Variants in LTBP2 observed in about 807,000 individuals in gnomAD.
LTBP2 encodes the protein latent-transforming growth factor beta-binding protein 2.
LTBP2 carries 103 observed loss-of-function variants against 210.6 expected under a neutral mutation model. That is an observed-to-expected ratio of 0.49 (90% confidence interval 0.42 to 0.58). LTBP2 has a LOEUF of 0.58. Ranked by LOEUF, LTBP2 falls within the 20% of genes least tolerant of loss-of-function variation. LTBP2 has a pLI of 0.00. For missense variants in LTBP2, 2,313 were observed against 2,494.5 expected (o/e 0.93, Z 1.55); for synonymous variants, 1,007 against 1,015.0 (o/e 0.99, Z 0.15).
chr14:74,516,767 G>A (rs1239438728), intron 18 of LTBP2, 55 bp downstream of exon 18: 2 of 1,543,478 alleles, frequency 1.3e-6, no homozygotes, highest in Non-Finnish European at 1.7e-6. Flanking sequence ...AGTGCGTAGG[G>A]AGGGACAGGT....
chr14:74,546,722 T>C (rs2087581620), intron 8 of LTBP2, among the ~76,000 whole-genome samples: 1 of 152,150 alleles, frequency 6.6e-6, no homozygotes, highest in South Asian at 2.1e-4. Context: ...AGAGCTCTGC[T>C]CCCGTGCCCA....
intron 1 of LTBP2, among the ~76,000 whole-genome samples, chr14:74,608,921 G>A (rs937415999): frequency 3.3e-5 from 5 of 152,144 alleles, no homozygotes; most frequent in Non-Finnish European, 7.4e-5. Flanking sequence ...AAAGTTCCAT[G>A]AGGACAGAGT....
chr14:74,586,218 C>A lies in LTBP2; in HGVS notation c.566-100G>T, dbSNP rs910245690. The A allele has an allele frequency of 5.2e-6, 7 of 1,351,990 alleles. No individual in the cohort carries two copies. In the Admixed American group the frequency reaches 1.3e-4, roughly 25 times the overall value. 83.7% of individuals were successfully genotyped at this position (1,351,990 alleles called of 1,614,324 possible). A position where few individuals can be genotyped will look rare whatever the true frequency, so the allele number is the denominator to read the frequency against. ...AGAAGGGCCCTCCTGAGTGCTGCAA[C>A]CCTGTCGCTCAAGCAGGAAGCCACT... On this transcript the variant is annotated intron_variant, in intron 2 of 35. Transcript: ENST00000261978. This position sits in a 1 kb window ranked among gnomAD's most constrained non-coding sequence, Gnocchi z 4.6.
At chr14:74,531,662 G>A (rs862027) in intron 10 of LTBP2, among the ~76,000 whole-genome samples, 4 of 152,192 alleles carry the variant, frequency 2.6e-5, no homozygotes, top group South Asian at 2.1e-4. Flanking sequence ...GGGCTTGGCC[G>A]GTTGCAGGGA....
intron 10 of LTBP2, among the ~76,000 whole-genome samples, chr14:74,531,772 A>G (rs111632574): frequency 2.3e-4 from 35 of 152,336 alleles, no homozygotes; most frequent in African/African-American, 8.4e-4. Context: ...CTCCCGGCCC[A>G]GGGAAAGCCC....
chr14:74,574,534 T>A (rs150560898), intron 3 of LTBP2, among the ~76,000 whole-genome samples: 1 of 152,302 alleles, frequency 6.6e-6, no homozygotes, highest in Non-Finnish European at 1.5e-5. Context: ...AGGGTAGGAA[T>A]CTAGCACAAT....
intron 2 of LTBP2, among the ~76,000 whole-genome samples, chr14:74,593,271 C>A (rs2088307161): frequency 1.3e-5 from 2 of 152,278 alleles, no homozygotes; most frequent in Non-Finnish European, 1.5e-5. Context: ...CCCGACCACC[C>A]CATGCAGGCT....
At chr14:74,572,748 C>T (rs550764417) in intron 3 of LTBP2, among the ~76,000 whole-genome samples, 28 of 152,272 alleles carry the variant, frequency 1.8e-4, no homozygotes, top group African/African-American at 6.7e-4. Context: ...CCCCGCCACA[C>T]ACACACGCAT....
chr14:74,544,578 C>T (rs2087554697), intron 8 of LTBP2, among the ~76,000 whole-genome samples: 1 of 152,140 alleles, frequency 6.6e-6, no homozygotes. Context: ...GCCCCCAGCA[C>T]CCTCCCATAC....
chr14:74,594,038 G>A (rs1172277111), intron 2 of LTBP2, among the ~76,000 whole-genome samples: 2 of 152,144 alleles, frequency 1.3e-5, no homozygotes, highest in Non-Finnish European at 2.9e-5. Context: ...CCCATTTTAT[G>A]GACGAGGCCC....
chr14:74,508,154 T>C, intron 24 of LTBP2, 59 bp from the exon 25 acceptor site: 1 of 1,601,610 alleles, frequency 6.2e-7, no homozygotes, highest in South Asian at 1.1e-5. Flanking sequence ...GTTAGGGTCC[T>C]GTGTAGCTTC....
At chr14:74,556,424 A>C (rs890170273) in intron 3 of LTBP2, among the ~76,000 whole-genome samples, 1 of 152,234 alleles carries the variant, frequency 6.6e-6, no homozygotes, top group Non-Finnish European at 1.5e-5. Flanking sequence ...CATATTTGTC[A>C]TGTTCATCGC....
At chr14:74,550,363 G>A (rs1396422663) in intron 7 of LTBP2, among the ~76,000 whole-genome samples, 6 of 152,226 alleles carry the variant, frequency 3.9e-5, no homozygotes, top group Non-Finnish European at 7.3e-5. Context: ...ACACCCCAAG[G>A]TGAGAGGCCA....
At chr14:74,522,191 T>G in intron 16 of LTBP2, 152 bp from the exon 17 acceptor site, 9 of 964,226 alleles carry the variant, frequency 9.3e-6, no homozygotes, top group Non-Finnish European at 1.4e-5. Flanking sequence ...TGAAAATCTC[T>G]AAGGCTGGAA....
At position 74,508,545 on chromosome 14, in the gene LTBP2, G is replaced by A. The variant is rs1351801636; in HGVS notation, c.3652+59C>T. 5.1e-6 allele frequency: 8 copies of A among 1,573,516 alleles called. No homozygotes were observed. In the African/African-American group the frequency reaches 8.1e-5, roughly 16 times the overall value. On this transcript the variant is annotated intron_variant, in intron 24 of 35. Coordinates refer to ENST00000261978, the MANE Select transcript of LTBP2 (RefSeq NM_000428.3). ...GCGCCCATGCTCCTGACCAGTAGAG[G>A]TAGCTGTGCTGGCTTCCCATGCTCC...
Position 74,551,050 on chromosome 14 carries a change from A to G in LTBP2, c.1686+14T>C. 6.2e-7 allele frequency: 1 copy of G among 1,613,568 alleles called. No individual in the cohort carries two copies. Among genetic ancestry groups the G allele is most frequent in the Non-Finnish European group, 8.5e-7 (1 of 1,180,006 alleles). On this transcript the variant is annotated intron_variant, in intron 7 of 35. Coordinates refer to ENST00000261978, the MANE Select transcript of LTBP2 (RefSeq NM_000428.3). ...TGGAAGCATCCAGGGCTGAGGCCAG[A>G]GCTGTGTTCTCACCTGTCCGTTCAC...
chr14:74,568,492 T>A (rs143353459), intron 3 of LTBP2, among the ~76,000 whole-genome samples: 118 of 151,978 alleles, frequency 7.8e-4, no homozygotes, highest in African/African-American at 2.7e-3. Flanking sequence ...TATTCAGGAA[T>A]GTGCTGGCAT....
In LTBP2 at chr14:74,589,547, C is replaced by T. The variant is rs146142200; in HGVS notation, c.566-3429G>A. Among the ~76,000 whole-genome samples the T allele has an allele frequency of 3.9e-5, 6 of 152,322 alleles. No individual in the cohort carries two copies. The East Asian group carries it at 1.2e-3, about 29-fold the overall frequency. On this transcript the variant is annotated intron_variant, in intron 2 of 35. Coordinates refer to ENST00000261978, the MANE Select transcript of LTBP2 (RefSeq NM_000428.3). ...GCAGGCTCCAGGCCTCTAGGTAAAA[C>T]CATGTCAGAGAATTGTAACCCAGAG...
chr14:74,528,267 C>T (rs992693787), intron 12 of LTBP2, among the ~76,000 whole-genome samples: 2 of 152,150 alleles, frequency 1.3e-5, no homozygotes, highest in South Asian at 2.1e-4. Context: ...CTCCCTGGGG[C>T]GTGGGCACCT....
Sources: allele counts gnomAD v4.1 joint callset (sites outside exome capture counted in the v4.1 genomes callset), GRCh38; gene constraint gnomAD v4.1.1; non-coding constraint Gnocchi (gnomAD v3.1); transcripts MANE v1.5; gene names NCBI Gene and HGNC (gene_info 2026-07-23, HGNC 2026-07-21).